TRMT11: variants seen among roughly 807,000 people sequenced by gnomAD.
The protein encoded by TRMT11 is tRNA methyltransferase 11, also known as tRNA (guanine(10)-N(2))-methyltransferase TRMT11.
TRMT11 carries 53 observed loss-of-function variants against 62.8 expected under a neutral mutation model. The ratio of observed to expected loss-of-function variants is 0.84; its 90% CI spans 0.68 to 1.06. The LOEUF is 1.06. TRMT11 is among the 50% of genes least tolerant of loss of function. The pLI, the probability that TRMT11 is intolerant of heterozygous loss-of-function variation, is 0.00. For missense variants in TRMT11, 556 were observed against 553.4 expected (o/e 1.00, Z -0.05); for synonymous variants, 188 against 190.3 (o/e 0.99, Z 0.10).
At chr6:126,263,827 G>C in the TRMT11 span, among the ~76,000 whole-genome samples, 4 of 152,342 alleles carry the variant, frequency 2.6e-5, no homozygotes, top group South Asian at 8.3e-4. Flanking sequence ...ACCTCAGAAA[G>C]AGACTTTGAT....
chr6:126,236,298 A>G, the TRMT11 span, among the ~76,000 whole-genome samples: 1 of 152,210 alleles, frequency 6.6e-6, no homozygotes, highest in African/African-American at 2.4e-5. Flanking sequence ...CAACATGAAT[A>G]TGATTTCACA....
chr6:126,239,121 G>A, the TRMT11 span, among the ~76,000 whole-genome samples: 1 of 152,002 alleles, frequency 6.6e-6, no homozygotes, highest in African/African-American at 2.4e-5. Flanking sequence ...ATGTGAGATG[G>A]GTTTCCTGAA....
chr6:126,018,109 AC>A (rs895630461), intron 11 of TRMT11, among the ~76,000 whole-genome samples: 2 of 152,118 alleles, frequency 1.3e-5, no homozygotes, highest in Admixed American at 6.5e-5. Flanking sequence ...AGCACATTGT[AC>A]CCCCCAAATA....
At chr6:126,216,603 T>C in the TRMT11 span, among the ~76,000 whole-genome samples, 1 of 152,196 alleles carries the variant, frequency 6.6e-6, no homozygotes, top group Non-Finnish European at 1.5e-5. Flanking sequence ...GAAAGTCTGC[T>C]GCCAGACATA....
intron 17 of TRMT11, among the ~76,000 whole-genome samples, chr6:126,103,557 T>C (rs1777427965): frequency 6.6e-6 from 1 of 152,208 alleles, no homozygotes; most frequent in Non-Finnish European, 1.5e-5. Context: ...GAGGCTCAAG[T>C]GGAGATGGTT....
chr6:126,198,433 T>G (rs1403526595), intron 1 of TRMT11, among the ~76,000 whole-genome samples: 1 of 152,222 alleles, frequency 6.6e-6, no homozygotes, highest in Non-Finnish European at 1.5e-5. Flanking sequence ...TTTGATTTCT[T>G]CTGTCTCTCT....
At chr6:126,139,508 A>G (rs1284118083) in intron 21 of TRMT11, among the ~76,000 whole-genome samples, 3 of 152,022 alleles carry the variant, frequency 2.0e-5, no homozygotes, top group Non-Finnish European at 4.4e-5. Context: ...AGCTGGGATT[A>G]CAGGCGCCTG....
intron 17 of TRMT11, among the ~76,000 whole-genome samples, chr6:126,053,506 A>G (rs1270909276): frequency 6.6e-6 from 1 of 152,172 alleles, no homozygotes; most frequent in African/African-American, 2.4e-5. Flanking sequence ...TGGGCCAGGT[A>G]CCAGGTAACT....
chr6:126,001,043 A>G (rs1473525468), intron 7 of TRMT11, among the ~76,000 whole-genome samples: 2 of 152,036 alleles, frequency 1.3e-5, no homozygotes, highest in African/African-American at 4.8e-5. Flanking sequence ...TCTTTCCTGC[A>G]TCATTTGAAA....
At chr6:126,217,789 CTCAGCAGA>C in the TRMT11 span, among the ~76,000 whole-genome samples, 1 of 152,112 alleles carries the variant, frequency 6.6e-6, no homozygotes, top group African/African-American at 2.4e-5. Flanking sequence ...GGGCTCAACA[CTCAGCAGA>C]TGGTGAAATC....
At chr6:126,259,486 C>T in the TRMT11 span, among the ~76,000 whole-genome samples, 365 of 152,316 alleles carry the variant, frequency 2.4e-3, no homozygotes, top group African/African-American at 8.4e-3. Context: ...CGTGAGCCAC[C>T]GCACCTGGCC....
chr6:126,074,036 C>T (rs1776937761), intron 17 of TRMT11, among the ~76,000 whole-genome samples: 1 of 152,132 alleles, frequency 6.6e-6, no homozygotes, highest in African/African-American at 2.4e-5. Context: ...ATTAAATGAC[C>T]TCCCACCAGG....
At position 126,150,818 on chromosome 6, in the gene TRMT11, C is replaced by T. The variant is rs190114727; in HGVS notation, c.*1824-24007C>T. 2.0e-5 allele frequency among the ~76,000 whole-genome samples: 3 copies of T among 152,320 alleles called. No homozygotes were observed. In the East Asian group the frequency reaches 5.8e-4, roughly 29 times the overall value. Reference sequence around the variant, plus strand: ...CTGATAGCTTAGGGTCTCATTTGGTCACCAGCACCCTTCTAGGAAGGAATG... The same window carrying T: ...CTGATAGCTTAGGGTCTCATTTGGTTACCAGCACCCTTCTAGGAAGGAATG... On this transcript the variant is annotated intron_variant and NMD_transcript_variant, in intron 21 of 22. Coordinates refer to the TRMT11 transcript ENST00000648977.
At chr6:126,270,169 G>A in the TRMT11 span, among the ~76,000 whole-genome samples, 3 of 152,202 alleles carry the variant, frequency 2.0e-5, no homozygotes, top group Non-Finnish European at 4.4e-5. Flanking sequence ...TTTGAGCACA[G>A]TACTTGGCCC....
the TRMT11 span, among the ~76,000 whole-genome samples, chr6:126,225,683 C>CTTTT: frequency 8.3e-6 from 1 of 120,462 alleles, no homozygotes; most frequent in African/African-American, 3.5e-5. Context: ...ATTATGTTTA[C>CTTTT]TATTTTTTTT....
intron 17 of TRMT11, among the ~76,000 whole-genome samples, chr6:126,063,499 T>A (rs971498730): frequency 1.3e-5 from 2 of 152,222 alleles, no homozygotes; most frequent in African/African-American, 4.8e-5. Flanking sequence ...GATCTTACAG[T>A]TGGAGATTTT....
At chr6:126,192,743 T>C (rs1249018283) in intron 1 of TRMT11, among the ~76,000 whole-genome samples, 1 of 152,228 alleles carries the variant, frequency 6.6e-6, no homozygotes, top group Non-Finnish European at 1.5e-5. Context: ...ATGTATCATG[T>C]TTATTGATTT....
At chr6:126,238,158 C>G in the TRMT11 span, among the ~76,000 whole-genome samples, 1 of 152,248 alleles carries the variant, frequency 6.6e-6, no homozygotes, top group Non-Finnish European at 1.5e-5. Context: ...TTTCAAGAAA[C>G]CATCTCCTGG....
the TRMT11 span, among the ~76,000 whole-genome samples, chr6:126,219,582 G>A: frequency 2.1e-4 from 32 of 152,222 alleles, no homozygotes; most frequent in South Asian, 6.4e-3. Flanking sequence ...ACTTCCTTAA[G>A]GAAGCCCTTA....
Sources: gnomAD v4.1 joint callset for allele counts (sites outside exome capture counted in the v4.1 genomes callset) on GRCh38, gnomAD v4.1.1 for gene constraint, MANE v1.5 for transcripts, NCBI Gene and HGNC (gene_info 2026-07-23, HGNC 2026-07-21) for gene names.